FHIP2B: variants seen among roughly 807,000 people sequenced by gnomAD.
FHIP2B encodes FHF complex subunit HOOK-interacting protein 2B.
Under a neutral mutation model 84.0 loss-of-function variants are expected in FHIP2B, and 72 were observed. The observed-to-expected ratio is 0.86, with a 90% CI of 0.71 to 1.04. The LOEUF (loss-of-function observed/expected upper bound fraction) is 1.04, where lower values mean the gene tolerates loss of function less well. Among genes scored for constraint, FHIP2B ranks in the 50% least tolerant of loss-of-function variants. The pLI, the probability that FHIP2B is intolerant of heterozygous loss-of-function variation, is 0.00. For missense variants in FHIP2B, 972 were observed against 968.9 expected (o/e 1.00, Z -0.04); for synonymous variants, 497 against 418.7 (o/e 1.19, Z -2.28).
Position 22,100,613 on chromosome 8 carries a change from G to C in FHIP2B, c.1361G>C (p.Arg454Pro). The change falls in exon 11 of 17, where the codon CGG becomes CCG. Residue 454 changes from arginine (R) to proline (P), a missense_variant. Arg to Pro is a moderately radical substitution (Grantham distance 103). Transcript: ENST00000289921. ...CTCCAGATCAGCATCACCACACTCC[G>C]GCTGTTTGAGGAGCTGCTGCAGAAG... ...LSDEISITTL[R>P]LFEELLQKPH... The C allele has an allele frequency of 6.4e-7, 1 of 1,573,196 alleles. No individual in the cohort carries two copies. The highest frequency in any genetic ancestry group is 1.4e-5 in the African/African-American group (1 of 73,792).
At chr8:22,102,454 G>A (rs1206384525) in intron 15 of FHIP2B, 74 bp from the exon 16 acceptor site, 2 of 1,534,550 alleles carry the variant, frequency 1.3e-6, no homozygotes, top group East Asian at 4.9e-5. Context: ...CCCATGCTCT[G>A]CATGGTGTGG....
chr8:22,101,034 G>A, intron 12 of FHIP2B, 62 bp downstream of exon 12: 1 of 1,535,096 alleles, frequency 6.5e-7, no homozygotes, highest in Admixed American at 2.0e-5. Context: ...TTTATTTTTT[G>A]AGATAGAGTC....
intron 8 of FHIP2B, 97 bp downstream of exon 8, chr8:22,099,153 C>T (rs1825959304): frequency 2.0e-6 from 3 of 1,492,590 alleles, no homozygotes; most frequent in Admixed American, 3.9e-5. Context: ...AACATGGGGT[C>T]CAGGAGCTAA....
intron 1 of FHIP2B, chr8:22,089,669 C>G: frequency 2.4e-6 from 2 of 845,224 alleles, no homozygotes; most frequent in African/African-American, 3.5e-5. Context: ...CCCCCCAGTC[C>G]CGGTGGGCCT....
intron 8 of FHIP2B, 104 bp downstream of exon 8, chr8:22,099,160 C>G: frequency 6.7e-7 from 1 of 1,494,946 alleles, no homozygotes; most frequent in Non-Finnish European, 9.1e-7. Context: ...GGTCCAGGAG[C>G]TAAGCGGGGC....
At position 22,094,443 on chromosome 8, in the gene FHIP2B, G is replaced by C; in HGVS notation, c.49G>C (p.Glu17Gln). Residue 17 changes from glutamate to glutamine, a missense_variant, in exon 2 of 17, where the codon GAG becomes CAG. Physicochemically the swap from Glu to Gln is conservative, Grantham distance 29. Coordinates refer to ENST00000289921, the MANE Select transcript of FHIP2B (RefSeq NM_022749.7). The stretch of plus-strand genomic sequence containing the variant: ...GTTGTGTGTCTGCCCTCCGCAGCGC[G>C]AGCCCAGCATTGACCTGCTGCAGGC... Reference protein sequence around the residue: ...ALLQEAVGAREPSIDLLQAFV... With the variant: ...ALLQEAVGARQPSIDLLQAFV... 6.2e-7 allele frequency: 1 copy of C among 1,604,764 alleles called. No homozygotes were observed. Among genetic ancestry groups the C allele is most frequent in the Non-Finnish European group, 8.5e-7 (1 of 1,176,342 alleles).
In FHIP2B at chr8:22,102,283, G is replaced by A. The variant is rs752175859; in HGVS notation, c.1960G>A (p.Gly654Ser). The change falls in exon 15 of 17, where the codon GGC becomes AGC. Residue 654 changes from glycine (G) to serine (S), a missense_variant. Coordinates refer to ENST00000289921, the MANE Select transcript of FHIP2B (RefSeq NM_022749.7). ...GGATCCGTACATCAGCCTGGCCCCC[G>A]GCTGCAGGAGCCTATTCTCCGTGTT... ...LLDPYISLAP[G>S]CRSLFSVLVR... The A allele has an allele frequency of 3.4e-5, 55 of 1,612,824 alleles. No individual in the cohort carries two copies. Among genetic ancestry groups the A allele is most frequent in the Non-Finnish European group, 4.3e-5 (51 of 1,179,850 alleles).
In FHIP2B at chr8:22,101,117, G is replaced by A. The variant is rs139394409; in HGVS notation, c.1616+145G>A. On this transcript the variant is annotated intron_variant, in intron 12 of 16. Coordinates refer to ENST00000289921, the MANE Select transcript of FHIP2B (RefSeq NM_022749.7). ...TGCAACCTCCACCTCCCGGGTTCCGGATCCAAGCGATTCCTGTGCCTCAGC... is the reference window on the plus strand; with the variant it reads ...TGCAACCTCCACCTCCCGGGTTCCGAATCCAAGCGATTCCTGTGCCTCAGC... The A allele has an allele frequency of 8.8e-3, 9,218 of 1,046,996 alleles. 59 individuals carry two copies. The highest frequency in any genetic ancestry group is 0.012 in the Middle Eastern group (42 of 3,428). The allele number at this position is 1,046,996 out of a possible 1,614,324, so 64.9% of individuals were successfully genotyped here. A position where few individuals can be genotyped will look rare whatever the true frequency, so the allele number is the denominator to read the frequency against.
chr8:22,089,510 C>T (rs1825352163), intron 1 of FHIP2B, among the ~76,000 whole-genome samples: 1 of 150,492 alleles, frequency 6.6e-6, no homozygotes, highest in Admixed American at 6.6e-5. Flanking sequence ...CTCCTCCCGA[C>T]CGCCCCACCT....
Position 22,103,075 on chromosome 8 carries a change from C to A in FHIP2B, c.*144C>A, listed in dbSNP as rs2131730667. On this transcript the variant is annotated 3_prime_UTR_variant, in exon 17 of 17. Coordinates refer to ENST00000289921, the MANE Select transcript of FHIP2B (RefSeq NM_022749.7). ...AGGAGACTGCGGCATGTTGACCACACCAGACTGGGTTTCAGGGAATGGGCA... is the reference window on the plus strand; with the variant it reads ...AGGAGACTGCGGCATGTTGACCACAACAGACTGGGTTTCAGGGAATGGGCA... 9.2e-7 allele frequency: 1 copy of A among 1,089,270 alleles called. No homozygotes were observed. The highest frequency in any genetic ancestry group is 1.3e-6 in the Non-Finnish European group (1 of 780,982). 67.5% of individuals were successfully genotyped at this position (1,089,270 alleles called of 1,614,324 possible).
chr8:22,089,382 C>T, intron 1 of FHIP2B, 84 bp downstream of exon 1: 1 of 851,338 alleles, frequency 1.2e-6, no homozygotes, highest in Non-Finnish European at 1.4e-6. Context: ...GCGCGGCCCG[C>T]AGGAGGGCGG....
At chr8:22,089,850 G>A (rs1303357678) in intron 1 of FHIP2B, 6 of 1,282,744 alleles carry the variant, frequency 4.7e-6, no homozygotes, top group African/African-American at 1.5e-5. Context: ...AAGTCCCCAC[G>A]AAGGGTAAAG....
intron 14 of FHIP2B, 77 bp from the exon 15 acceptor site, chr8:22,102,098 C>T: frequency 6.2e-7 from 1 of 1,609,266 alleles, no homozygotes; most frequent in South Asian, 1.1e-5. Flanking sequence ...TCACAGTGGC[C>T]AGGCACCTTG....
At chr8:22,089,906 A>G (rs554516301) in intron 1 of FHIP2B, 8 of 1,184,100 alleles carry the variant, frequency 6.8e-6, no homozygotes, top group Middle Eastern at 4.5e-4. Flanking sequence ...ATCGCCTTCT[A>G]TTGGGTGCAG....
chr8:22,099,213 G>T, intron 8 of FHIP2B, 71 bp from the exon 9 acceptor site: 1 of 1,571,224 alleles, frequency 6.4e-7, no homozygotes, highest in Non-Finnish European at 8.7e-7. Context: ...CAGGCGCCGC[G>T]CAAGAACACG....
In FHIP2B at chr8:22,103,167, G is replaced by A. The variant is rs1826221432; in HGVS notation, c.*236G>A. Reference sequence around the variant, plus strand: ...CAAGGTCCTTGGGGCCTTCTTGGAGGAGCTTGGGTGACAGCCAGGTGAGCA... The same window carrying A: ...CAAGGTCCTTGGGGCCTTCTTGGAGAAGCTTGGGTGACAGCCAGGTGAGCA... On this transcript the variant is annotated 3_prime_UTR_variant, in exon 17 of 17. Coordinates refer to ENST00000289921, the MANE Select transcript of FHIP2B (RefSeq NM_022749.7). 3.5e-6 allele frequency: 2 copies of A among 568,674 alleles called. No homozygotes were observed. Among genetic ancestry groups the A allele is most frequent in the Admixed American group, 3.2e-5 (1 of 30,944 alleles). The allele number at this position is 568,674 out of a possible 1,614,324, so 35.2% of individuals were successfully genotyped here. A position where few individuals can be genotyped will look rare whatever the true frequency, so the allele number is the denominator to read the frequency against.
intron 9 of FHIP2B, 33 bp downstream of exon 9, chr8:22,099,393 G>C (rs771153654): frequency 3.1e-6 from 5 of 1,607,606 alleles, no homozygotes; most frequent in Non-Finnish European, 4.2e-6. Context: ...CATGACTGTG[G>C]TCTACAGTAA....
intron 1 of FHIP2B, among the ~76,000 whole-genome samples, chr8:22,093,333 G>C (rs1586316081): frequency 1.3e-5 from 2 of 152,194 alleles, no homozygotes; most frequent in East Asian, 3.8e-4. Flanking sequence ...TGTTGTTGTT[G>C]TTGTTGTTTT....
chr8:22,102,886 T>G lies in FHIP2B; in HGVS notation c.2187T>G (p.His729Gln). Residue 729 changes from histidine (H) to glutamine (Q), a missense_variant, in exon 17 of 17, where the codon CAT becomes CAG. His to Gln is a conservative substitution (Grantham distance 24, BLOSUM62 0). Coordinates refer to ENST00000289921, the MANE Select transcript of FHIP2B (RefSeq NM_022749.7). ...TTGCCTTCGTCAAGTTTCCCCCACA[T>G]GATCCTCGCCAGAACGTCTCCCCAG... ...AAIAFVKFPP[H>Q]DPRQNVSPAP... 1 of 1,613,702 alleles carries G rather than the reference T, an allele frequency of 6.2e-7. No homozygotes were observed. The highest frequency in any genetic ancestry group is 8.5e-7 in the Non-Finnish European group (1 of 1,179,818).
Sources: allele counts gnomAD v4.1 joint callset (sites outside exome capture counted in the v4.1 genomes callset), GRCh38; gene constraint gnomAD v4.1.1; transcripts MANE v1.5; gene names NCBI Gene and HGNC (gene_info 2026-07-23, HGNC 2026-07-21).